The following SEMA3D variants were observed in gnomAD, a reference collection of about 807,000 sequenced individuals.
SEMA3D encodes the protein semaphorin-3D.
Under a neutral mutation model 100.1 loss-of-function variants are expected in SEMA3D, and 84 were observed. That is an observed-to-expected ratio of 0.84 (90% CI 0.70 to 1.01). The LOEUF is 1.01. Among genes scored for constraint, SEMA3D ranks in the 50% least tolerant of loss-of-function variants. The probability of loss-of-function intolerance (pLI) is 0.00; values close to 1 mark genes in which losing one functional copy is unlikely to be tolerated. For synonymous variants in SEMA3D, 312 were observed against 320.7 expected, an observed-to-expected ratio of 0.97 and a Z score of 0.29; for missense variants, 875 against 934.1, an observed-to-expected ratio of 0.94 and a Z score of 0.82.
intron 2 of SEMA3D, among the ~76,000 whole-genome samples, chr7:85,123,100 T>A (rs1233735884): frequency 6.6e-6 from 1 of 152,140 alleles, no homozygotes; most frequent in Non-Finnish European, 1.5e-5. Flanking sequence ...CAGAGTTAAA[T>A]AGTTCTTCCA....
rs991725034 is a variant in SEMA3D at position 85,065,434 on chromosome 7, G to A, written c.708C>T (p.Tyr236=). Residue 236 remains tyrosine (Y), a synonymous_variant, in exon 8 of 19, where the codon TAC becomes TAT. Transcript: ENST00000284136. ...AAAAAAATCACAAACCATTGAGCCA[G>A]TAGTGCTCTGAAATGTCAGTTCTGA... ...HYIRTDISEH[Y]WLNGAKFIGT... is the part of the protein sequence containing the mutation. 27 of 1,613,318 alleles carry A rather than the reference G, an allele frequency of 1.7e-5. No homozygotes were observed. The highest frequency in any genetic ancestry group is 2.2e-5 in the East Asian group (1 of 44,850).
chr7:85,148,486 T>C (rs1166861653), intron 2 of SEMA3D, among the ~76,000 whole-genome samples: 1 of 152,164 alleles, frequency 6.6e-6, no homozygotes, highest in African/African-American at 2.4e-5. Flanking sequence ...TGAGAGTAAA[T>C]ACACATTTCT....
At chr7:85,043,519 A>G (rs1052928447) in intron 9 of SEMA3D, among the ~76,000 whole-genome samples, 1 of 152,152 alleles carries the variant, frequency 6.6e-6, no homozygotes, top group Non-Finnish European at 1.5e-5. Context: ...GAATTACACT[A>G]TTCAATAATT....
chr7:85,231,844 A>G, the SEMA3D span, among the ~76,000 whole-genome samples: 1 of 152,096 alleles, frequency 6.6e-6, no homozygotes, highest in Non-Finnish European at 1.5e-5. Flanking sequence ...AGTCAGTTAG[A>G]GGCATTCACA....
rs1790455120 is a variant in SEMA3D at position 85,028,484 on chromosome 7, G to C, written c.1192-5871C>G. On this transcript the variant is annotated intron_variant, in intron 12 of 18. Coordinates refer to ENST00000284136, the MANE Select transcript of SEMA3D (RefSeq NM_001384900.1). ...CCTCACTATGGAGGATGGAATCTCTGAGGTGAAATCTACAGCCAGAGACAC... is the reference window on the plus strand; with the variant it reads ...CCTCACTATGGAGGATGGAATCTCTCAGGTGAAATCTACAGCCAGAGACAC... 11 of 364,870 alleles carry C rather than the reference G, an allele frequency of 3.0e-5. No individual in the cohort carries two copies. The South Asian group carries it at 3.3e-4, about 11-fold the overall frequency. The allele number at this position is 364,870 out of a possible 1,614,324, so 22.6% of individuals were successfully genotyped here. A position where few individuals can be genotyped will look rare whatever the true frequency, so the allele number is the denominator to read the frequency against.
At chr7:85,085,102 G>A (rs1053960151) in intron 4 of SEMA3D, among the ~76,000 whole-genome samples, 4 of 152,004 alleles carry the variant, frequency 2.6e-5, no homozygotes, top group Non-Finnish European at 4.4e-5. Context: ...ATATTTCTTT[G>A]AATCATTTCA....
chr7:85,101,310 CAATCGA>C (rs1788736274), intron 3 of SEMA3D, among the ~76,000 whole-genome samples: 1 of 151,970 alleles, frequency 6.6e-6, no homozygotes, highest in Non-Finnish European at 1.5e-5. Flanking sequence ...GTAGTTTATA[CAATCGA>C]AATCCTTATT....
At chr7:85,184,738 C>T (rs928475928) in intron 1 of SEMA3D, among the ~76,000 whole-genome samples, 8 of 152,210 alleles carry the variant, frequency 5.3e-5, no homozygotes, top group African/African-American at 1.9e-4. Flanking sequence ...CTTATCTCGT[C>T]CCACATCACC....
At chr7:85,222,946 G>T in the SEMA3D span, among the ~76,000 whole-genome samples, 1 of 151,950 alleles carries the variant, frequency 6.6e-6, no homozygotes, top group African/African-American at 2.4e-5. Flanking sequence ...GAAAACAAAC[G>T]AATTGGTAAG....
chr7:85,228,088 AC>A, the SEMA3D span, among the ~76,000 whole-genome samples: 1 of 152,188 alleles, frequency 6.6e-6, no homozygotes, highest in African/African-American at 2.4e-5. Flanking sequence ...GTTAGACTGT[AC>A]TTTTTATAAA....
At chr7:85,052,165 G>T (rs573076519) in intron 9 of SEMA3D, among the ~76,000 whole-genome samples, 5 of 151,758 alleles carry the variant, frequency 3.3e-5, no homozygotes, top group Non-Finnish European at 5.9e-5. Flanking sequence ...TTATCTCTTT[G>T]TTCCTGTTAT....
At position 84,997,759 on chromosome 7, in the gene SEMA3D, G is replaced by C. The variant is rs1379222840; in HGVS notation, c.*1681C>G. On this transcript the variant is annotated 3_prime_UTR_variant, in exon 19 of 19. Coordinates refer to ENST00000284136, the MANE Select transcript of SEMA3D (RefSeq NM_001384900.1). ...AATGCATGAGAAACGAGCAATGTCT[G>C]TTATTTTCTGAAAAGCTGCCTTCCA... 1 of 152,474 alleles carries C rather than the reference G, an allele frequency of 6.6e-6. No individual in the cohort carries two copies. Among genetic ancestry groups the C allele is most frequent in the East Asian group, 1.9e-4 (1 of 5,190 alleles). 9.4% of individuals were successfully genotyped at this position (152,474 alleles called of 1,614,324 possible). A position where few individuals can be genotyped will look rare whatever the true frequency, so the allele number is the denominator to read the frequency against.
At position 85,171,631 on chromosome 7, in the gene SEMA3D, A is replaced by G. The variant is rs953851091; in HGVS notation, c.-173+15047T>C. 2.6e-5 allele frequency among the ~76,000 whole-genome samples: 4 copies of G among 152,068 alleles called. No homozygotes were observed. The South Asian group carries it at 6.2e-4, about 24-fold the overall frequency. On this transcript the variant is annotated intron_variant, in intron 1 of 18. Coordinates refer to ENST00000284136, the MANE Select transcript of SEMA3D (RefSeq NM_001384900.1). ...GGCAGGTCCCTTGAATAACACCTAA[A>G]GGTAATAATTTGAAAAAGGACACCC...
At chr7:85,201,991 A>G in the SEMA3D span, among the ~76,000 whole-genome samples, 1 of 151,714 alleles carries the variant, frequency 6.6e-6, no homozygotes, top group Admixed American at 6.6e-5. Context: ...ATATGCTAGG[A>G]TTACAGGCAT....
intron 3 of SEMA3D, among the ~76,000 whole-genome samples, chr7:85,105,940 A>AT (rs1415055062): frequency 6.6e-6 from 1 of 151,970 alleles, no homozygotes; most frequent in Non-Finnish European, 1.5e-5. Context: ...TTTAAATTAC[A>AT]TTTTGTTCTT....
At chr7:85,174,726 T>A (rs1034893121) in intron 1 of SEMA3D, among the ~76,000 whole-genome samples, 8 of 152,054 alleles carry the variant, frequency 5.3e-5, no homozygotes, top group Non-Finnish European at 8.8e-5. Flanking sequence ...CCAGGTAAGA[T>A]TAAGTGGGTG....
At chr7:85,110,225 C>T (rs901611608) in intron 3 of SEMA3D, among the ~76,000 whole-genome samples, 11 of 151,828 alleles carry the variant, frequency 7.2e-5, no homozygotes, top group African/African-American at 2.7e-4. Flanking sequence ...GCTCCATAGA[C>T]CAATAATGTT....
chr7:85,200,319 C>T, the SEMA3D span, among the ~76,000 whole-genome samples: 8 of 152,190 alleles, frequency 5.3e-5, no homozygotes, highest in South Asian at 2.1e-4. Flanking sequence ...TTGCCCAAAA[C>T]GTTGTTAGGG....
At chr7:85,000,506 C>A (rs1020684447) in intron 18 of SEMA3D, among the ~76,000 whole-genome samples, 1 of 152,086 alleles carries the variant, frequency 6.6e-6, no homozygotes, top group Admixed American at 6.6e-5. Flanking sequence ...TTGAGTAGGA[C>A]CCTAGTCAGA....
Sources: gnomAD v4.1 joint callset for allele counts (sites outside exome capture counted in the v4.1 genomes callset) on GRCh38, gnomAD v4.1.1 for gene constraint, MANE v1.5 for transcripts, NCBI Gene and HGNC (gene_info 2026-07-23, HGNC 2026-07-21) for gene names.